The following SLC35G3 variants were observed in gnomAD, a reference collection of about 807,000 sequenced individuals.
SLC35G3 encodes acyl-malonyl-condensing enzyme 1.
In SLC35G3, 10 loss-of-function variants were observed where a neutral mutation model predicts 17.9. That is an observed-to-expected ratio of 0.56 (90% CI 0.34 to 0.95). SLC35G3 has a LOEUF of 0.95. Among genes scored for constraint, SLC35G3 ranks in the 40% least tolerant of loss-of-function variants. The pLI is 0.02. For missense variants in SLC35G3, 384 were observed against 433.6 expected, an observed-to-expected ratio of 0.89 and a Z score of 1.02; for synonymous variants, 208 against 197.7, an observed-to-expected ratio of 1.05 and a Z score of -0.44.
At position 35,193,636 on chromosome 17, in the gene SLC35G3, G is replaced by C; in HGVS notation, c.672C>G (p.Phe224Leu). 1 of 1,612,052 alleles carries C rather than the reference G, an allele frequency of 6.2e-7. No individual in the cohort carries two copies. Among genetic ancestry groups the C allele is most frequent in the Non-Finnish European group, 8.5e-7 (1 of 1,179,864 alleles). The change falls in exon 1 of 1, where the codon TTC (phenylalanine) becomes TTG (leucine). Residue 224 changes from phenylalanine (F) to leucine (L), a missense_variant. Phe to Leu is a conservative substitution (Grantham distance 22, BLOSUM62 0). Coordinates refer to ENST00000297307, the MANE Select transcript of SLC35G3 (RefSeq NM_152462.2). ...HFPPCLPTVA[F>L]LSGLVGLLGS... ...CCAGCAGCCCCACCAAGCCAGATAG[G>C]AAGGCCACTGTTGGGAGGCAGGGGG...
In SLC35G3 at chr17:35,193,067, C is replaced by G. The variant is rs1182919945; in HGVS notation, c.*224G>C. ...TCAGACTTTACCCCTTAGTTATGCC[C>G]TGATTCTAGGACCCAGCCTGGACTC... On this transcript the variant is annotated 3_prime_UTR_variant, in exon 1 of 1. Transcript: ENST00000297307. 3 of 825,962 alleles carry G rather than the reference C, an allele frequency of 3.6e-6. No homozygotes were observed. The highest frequency in any genetic ancestry group is 5.5e-6 in the Non-Finnish European group (3 of 541,778). The allele number at this position is 825,962 out of a possible 1,614,324, so 51.2% of individuals were successfully genotyped here.
At position 35,193,414 on chromosome 17, in the gene SLC35G3, A is replaced by T. The variant is rs997666099; in HGVS notation, c.894T>A (p.Tyr298Ter). ...GTGCCACAGTCTCATGGAGCATATAATACTGCAGTATAAGGGCCACAACCA... is the reference window on the plus strand; with the variant it reads ...GTGCCACAGTCTCATGGAGCATATATTACTGCAGTATAAGGGCCACAACCA... Reference protein sequence around the residue: ...SEVVVALILQYYMLHETVAPS... With the variant: ...SEVVVALILQ Residue 298 changes from tyrosine (Y) to a stop codon, truncating the protein, a stop_gained, in exon 1 of 1, where the codon TAT becomes TAA. Coordinates refer to ENST00000297307, the MANE Select transcript of SLC35G3 (RefSeq NM_152462.2). LOFTEE classifies it high-confidence loss of function. 3 of 1,611,866 alleles carry T rather than the reference A, an allele frequency of 1.9e-6. No homozygotes were observed. The African/African-American group carries it at 4.0e-5, about 22-fold the overall frequency.
In SLC35G3 at chr17:35,193,450, T is replaced by A. The variant is rs779738116; in HGVS notation, c.858A>T (p.Leu286=). 3 of 1,612,018 alleles carry A rather than the reference T, an allele frequency of 1.9e-6. No homozygotes were observed. In the Admixed American group the frequency reaches 5.0e-5, roughly 27 times the overall value. The change falls in exon 1 of 1, where the codon CTA becomes CTT. Residue 286 remains leucine (L), a synonymous_variant. Transcript: ENST00000297307. ...KAHPALVCAV[L]HSEVVVALIL... is the part of the protein sequence containing the mutation. The stretch of plus-strand genomic sequence containing the variant: ...TAAGGGCCACAACCACCTCGGAATG[T>A]AGGACAGCGCACACCAGGGCAGGGT...
At position 35,194,088 on chromosome 17, in the gene SLC35G3, T is replaced by A. The variant is rs767887633; in HGVS notation, c.220A>T (p.Ile74Phe). Residue 74 changes from isoleucine (I) to phenylalanine (F), a missense_variant, in exon 1 of 1, where the codon ATC becomes TTC. Transcript: ENST00000297307. ...ASNLPSLELL[I>F]WRCLFHLPIA... ...GGGAGGTGGAAGAGGCATCGCCAGA[T>A]GAGCAGCTCCAGCGAGGGCAGGTTG... The A allele has an allele frequency of 1.2e-6, 2 of 1,613,946 alleles. No homozygotes were observed. Among genetic ancestry groups the A allele is most frequent in the Admixed American group, 1.7e-5 (1 of 60,022 alleles).
Position 35,194,082 on chromosome 17 carries a change from G to A in SLC35G3, c.226C>T (p.Arg76Ter), listed in dbSNP as rs139668128. Reference sequence around the variant, plus strand: ...GCAATAGGGAGGTGGAAGAGGCATCGCCAGATGAGCAGCTCCAGCGAGGGC... The same window carrying A: ...GCAATAGGGAGGTGGAAGAGGCATCACCAGATGAGCAGCTCCAGCGAGGGC... ...NLPSLELLIWRCLFHLPIALL... is the reference protein window; with the variant it reads ...NLPSLELLIW The change falls in exon 1 of 1, where the codon CGA (arginine) becomes TGA (stop). Residue 76 changes from arginine (R) to a stop codon, truncating the protein, a stop_gained. Coordinates refer to ENST00000297307, the MANE Select transcript of SLC35G3 (RefSeq NM_152462.2). LOFTEE classifies it high-confidence loss of function. 6.0e-4 allele frequency: 962 copies of A among 1,613,850 alleles called. 1 individual carries two copies. The highest frequency in any genetic ancestry group is 7.6e-4 in the Non-Finnish European group (902 of 1,179,866).
rs2092333657 is a variant in SLC35G3 at position 35,193,374 on chromosome 17, C to G, written c.934G>C (p.Ala312Pro). The G allele has an allele frequency of 6.2e-7, 1 of 1,612,038 alleles. No individual in the cohort carries two copies. Reference sequence around the variant, plus strand: ...ATGCTGCCCAGCACAACCCCTGCCGCCACGATGTCAGAAGGTGCCACAGTC... The same window carrying G: ...ATGCTGCCCAGCACAACCCCTGCCGGCACGATGTCAGAAGGTGCCACAGTC... ...HETVAPSDIV[A>P]AGVVLGSIAI... The change falls in exon 1 of 1, where the codon GCG becomes CCG. Residue 312 changes from alanine (A) to proline (P), a missense_variant. Transcript: ENST00000297307.
At position 35,194,037 on chromosome 17, in the gene SLC35G3, C is replaced by T. The variant is rs755168914; in HGVS notation, c.271G>A (p.Gly91Ser). 1 of 1,614,002 alleles carries T rather than the reference C, an allele frequency of 6.2e-7. No individual in the cohort carries two copies. Among genetic ancestry groups the T allele is most frequent in the Admixed American group, 1.7e-5 (1 of 60,022 alleles). Residue 91 changes from glycine (G) to serine (S), a missense_variant, in exon 1 of 1, where the codon GGC (glycine) becomes AGC (serine). Physicochemically the swap from Gly to Ser is moderately conservative, Grantham distance 56. Transcript: ENST00000297307. ...TCAGGAGTTCCCAGAAGGGGGTCGC[C>T]ACGCAGTTTAAGTAGCAGGGCAATA... ...LPIALLLKLR[G>S]DPLLGTPDIR...
In SLC35G3 at chr17:35,193,966, G is replaced by A. The variant is rs1196950822; in HGVS notation, c.342C>T (p.Ser114=). 6.2e-7 allele frequency: 1 copy of A among 1,614,034 alleles called. No individual in the cohort carries two copies. Among genetic ancestry groups the A allele is most frequent in the South Asian group, 1.1e-5 (1 of 91,078 alleles). Residue 114 remains serine, a synonymous_variant, in exon 1 of 1, where the codon AGC becomes AGT. Transcript: ENST00000297307. ...GAACCGCACTGTAGGCACATCCAAT[G>A]CTGAGGATGTTGAGCAGGGCACAGA... ...AFFCALLNIL[S]IGCAYSAVQV...
Position 35,193,156 on chromosome 17 carries a change from A to T in SLC35G3, c.*135T>A. ...GTAGTCCCTCTCCACCAAGTCCCCA[A>T]GTCACCCTTGACTCTGAGAGGTATC... On this transcript the variant is annotated 3_prime_UTR_variant, in exon 1 of 1. Coordinates refer to ENST00000297307, the MANE Select transcript of SLC35G3 (RefSeq NM_152462.2). The T allele has an allele frequency of 2.0e-6, 3 of 1,496,910 alleles. No individual in the cohort carries two copies. Among genetic ancestry groups the T allele is most frequent in the Non-Finnish European group, 2.7e-6 (3 of 1,108,602 alleles). 92.7% of individuals were successfully genotyped at this position (1,496,910 alleles called of 1,614,324 possible). A position where few individuals can be genotyped will look rare whatever the true frequency, so the allele number is the denominator to read the frequency against.
In SLC35G3 at chr17:35,193,375, C is replaced by T; in HGVS notation, c.933G>A (p.Val311=). ...LHETVAPSDI[V]AAGVVLGSIA... The stretch of plus-strand genomic sequence containing the variant: ...TGCTGCCCAGCACAACCCCTGCCGC[C>T]ACGATGTCAGAAGGTGCCACAGTCT... Residue 311 remains valine (V), a synonymous_variant, in exon 1 of 1, where the codon GTG becomes GTA. Transcript: ENST00000297307. 1 of 1,612,028 alleles carries T rather than the reference C, an allele frequency of 6.2e-7. No homozygotes were observed. The highest frequency in any genetic ancestry group is 8.5e-7 in the Non-Finnish European group (1 of 1,179,860).
In SLC35G3 at chr17:35,193,357, C is replaced by G. The variant is rs1321207748; in HGVS notation, c.951G>C (p.Leu317=). Reference sequence around the variant, plus strand: ...GGGCTGTAATGATGGCAATGCTGCCCAGCACAACCCCTGCCGCCACGATGT... The same window carrying G: ...GGGCTGTAATGATGGCAATGCTGCCGAGCACAACCCCTGCCGCCACGATGT... ...PSDIVAAGVV[L]GSIAIITAQN... is the part of the protein sequence containing the mutation. Residue 317 remains leucine (L), a synonymous_variant, in exon 1 of 1, where the codon CTG becomes CTC. Coordinates refer to ENST00000297307, the MANE Select transcript of SLC35G3 (RefSeq NM_152462.2). 1 of 1,611,896 alleles carries G rather than the reference C, an allele frequency of 6.2e-7. No homozygotes were observed. The highest frequency in any genetic ancestry group is 1.3e-5 in the African/African-American group (1 of 74,842).
rs1248643264 is a variant in SLC35G3 at position 35,192,982 on chromosome 17, C to A, written c.*309G>T. The A allele has an allele frequency of 1.2e-5, 6 of 490,348 alleles. No individual in the cohort carries two copies. The highest frequency in any genetic ancestry group is 1.2e-4 in the African/African-American group (6 of 51,476). The allele number at this position is 490,348 out of a possible 1,614,324, so 30.4% of individuals were successfully genotyped here. ...AGCCCCAATGCTCTTCTCTTTGCTG[C>A]TGAGTGAAGTCCTCCCCATGGCCCA... is the stretch of plus-strand genomic sequence containing the variant. On this transcript the variant is annotated 3_prime_UTR_variant, in exon 1 of 1. Coordinates refer to ENST00000297307, the MANE Select transcript of SLC35G3 (RefSeq NM_152462.2).
In SLC35G3 at chr17:35,193,932, G is replaced by C. The variant is rs530351643; in HGVS notation, c.376C>G (p.Pro126Ala). Reference sequence around the variant, plus strand: ...CGAACAGTGGCAGCGTTGCCAGCGGGCACCACCTGAACCGCACTGTAGGCA... The same window carrying C: ...CGAACAGTGGCAGCGTTGCCAGCGGCCACCACCTGAACCGCACTGTAGGCA... Reference protein sequence around the residue: ...GCAYSAVQVVPAGNAATVRKG... With the variant: ...GCAYSAVQVVAAGNAATVRKG... The change falls in exon 1 of 1, where the codon CCC (proline) becomes GCC (alanine). Residue 126 changes from proline (P) to alanine (A), a missense_variant. By Grantham distance (27) the Pro-to-Ala change is conservative (BLOSUM62 -1). Coordinates refer to ENST00000297307, the MANE Select transcript of SLC35G3 (RefSeq NM_152462.2). 6.2e-7 allele frequency: 1 copy of C among 1,614,002 alleles called. No individual in the cohort carries two copies. The highest frequency in any genetic ancestry group is 8.5e-7 in the Non-Finnish European group (1 of 1,179,864).
In SLC35G3 at chr17:35,194,000, C is replaced by G. The variant is rs148354465; in HGVS notation, c.308G>C (p.Arg103Pro). The stretch of plus-strand genomic sequence containing the variant: ...GTTGAGCAGGGCACAGAAGAAGGCC[C>G]GGCTTCGGATGTCAGGAGTTCCCAG... Reference protein sequence around the residue: ...PLLGTPDIRSRAFFCALLNIL... With the variant: ...PLLGTPDIRSPAFFCALLNIL... The change falls in exon 1 of 1, where the codon CGG becomes CCG. Residue 103 changes from arginine to proline, a missense_variant. Transcript: ENST00000297307. 10 of 1,614,010 alleles carry G rather than the reference C, an allele frequency of 6.2e-6. No individual in the cohort carries two copies. The highest frequency in any genetic ancestry group is 1.3e-5 in the African/African-American group (1 of 75,056).
Position 35,193,808 on chromosome 17 carries a change from A to G in SLC35G3, c.500T>C (p.Leu167Pro). Residue 167 changes from leucine to proline, a missense_variant, in exon 1 of 1, where the codon CTA becomes CCA. Leu to Pro is a moderately conservative substitution (Grantham distance 98). Coordinates refer to ENST00000297307, the MANE Select transcript of SLC35G3 (RefSeq NM_152462.2). ...AGGTCCCACAATGATGATTAGTCCT[A>G]GGATGCAGCCCAACAGTCCACACCA... Reference protein sequence around the residue: ...YDWCGLLGCILGLIIIVGPGL... With the variant: ...YDWCGLLGCIPGLIIIVGPGL... 6.2e-7 allele frequency: 1 copy of G among 1,613,856 alleles called. No homozygotes were observed. The highest frequency in any genetic ancestry group is 8.5e-7 in the Non-Finnish European group (1 of 1,179,872).
rs779927430 is a variant in SLC35G3 at position 35,194,258 on chromosome 17, G to C, written c.50C>G (p.Ser17Trp). ...GAGGCTGGGTGGAGCGGAGGGCGGC[G>C]ATGGGTGTGTGGAGTCAGGCTGGTT... ...YFNQPDSTHP[S>W]PPSAPPSLRW... Residue 17 changes from serine to tryptophan, a missense_variant, in exon 1 of 1, where the codon TCG becomes TGG. Transcript: ENST00000297307. 1.2e-6 allele frequency: 2 copies of C among 1,613,406 alleles called. No individual in the cohort carries two copies. Among genetic ancestry groups the C allele is most frequent in the Non-Finnish European group, 1.7e-6 (2 of 1,179,676 alleles).
chr17:35,194,065 G>T lies in SLC35G3; in HGVS notation c.243C>A (p.Leu81=), dbSNP rs769731275. The T allele has an allele frequency of 2.5e-6, 4 of 1,614,022 alleles. No individual in the cohort carries two copies. In the South Asian group the frequency reaches 3.3e-5, roughly 13 times the overall value. The change falls in exon 1 of 1, where the codon CTC becomes CTA. Residue 81 remains leucine (L), a synonymous_variant. Coordinates refer to ENST00000297307, the MANE Select transcript of SLC35G3 (RefSeq NM_152462.2). ...ELLIWRCLFH[L]PIALLLKLRG... ...GCAGTTTAAGTAGCAGGGCAATAGG[G>T]AGGTGGAAGAGGCATCGCCAGATGA...
In SLC35G3 at chr17:35,193,950, T is replaced by C. The variant is rs1454590768; in HGVS notation, c.358A>G (p.Ser120Gly). The change falls in exon 1 of 1, where the codon AGT becomes GGT. Residue 120 changes from serine (S) to glycine (G), a missense_variant. Physicochemically the swap from Ser to Gly is moderately conservative, Grantham distance 56. Coordinates refer to ENST00000297307, the MANE Select transcript of SLC35G3 (RefSeq NM_152462.2). ...LNILSIGCAY[S>G]AVQVVPAGNA... ...CCAGCGGGCACCACCTGAACCGCAC[T>C]GTAGGCACATCCAATGCTGAGGATG... 5.0e-6 allele frequency: 8 copies of C among 1,613,872 alleles called. No homozygotes were observed. Among genetic ancestry groups the C allele is most frequent in the Non-Finnish European group, 6.8e-6 (8 of 1,179,870 alleles).
In SLC35G3 at chr17:35,192,678, T is replaced by C. The variant is rs2092331238; in HGVS notation, c.*613A>G. 6.2e-6 allele frequency: 1 copy of C among 162,324 alleles called. No individual in the cohort carries two copies. The highest frequency in any genetic ancestry group is 2.4e-5 in the African/African-American group (1 of 41,504). 10.1% of individuals were successfully genotyped at this position (162,324 alleles called of 1,614,324 possible). ...ATCACTCTTTTATATCCAATGACTT[T>C]ACAAAAAATCATTTACAAAGAAGTG... On this transcript the variant is annotated 3_prime_UTR_variant, in exon 1 of 1. Transcript: ENST00000297307.
Sources: gnomAD v4.1 joint callset for allele counts on GRCh38, gnomAD v4.1.1 for gene constraint, MANE v1.5 for transcripts, NCBI Gene and HGNC (gene_info 2026-07-23, HGNC 2026-07-21) for gene names.